The following PHLPP1 variants were observed in gnomAD, a reference collection of about 807,000 sequenced individuals.
PHLPP1 encodes PH domain and leucine rich repeat protein phosphatase 1, also known as PH domain leucine-rich repeat-containing protein phosphatase 1.
PHLPP1 carries 42 observed loss-of-function variants against 117.2 expected under a neutral mutation model. The observed-to-expected ratio is 0.36, with a 90% CI of 0.28 to 0.46. PHLPP1 has a LOEUF of 0.46. Ranked by LOEUF, PHLPP1 falls within the 20% of genes least tolerant of loss-of-function variation. The probability of loss-of-function intolerance (pLI) is 1.00; values close to 1 mark genes in which losing one functional copy is unlikely to be tolerated. For synonymous variants in PHLPP1, 1,042 were observed against 970.7 expected, an observed-to-expected ratio of 1.07 and a Z score of -1.37; for missense variants, 2,084 against 2,241.9, an observed-to-expected ratio of 0.93 and a Z score of 1.42.
intron 3 of PHLPP1, among the ~76,000 whole-genome samples, chr18:62,859,727 TTC>T (rs1382581069): frequency 6.6e-6 from 1 of 152,224 alleles, no homozygotes; most frequent in East Asian, 1.9e-4. Context: ...TAGCTCTGAA[TTC>T]TCTTTCTGTC....
rs750685049 is a variant in PHLPP1, at chr18:62,895,776, A to G, written c.2214-5A>G. The G allele has an allele frequency of 5.8e-6, 9 of 1,542,112 alleles. No homozygotes were observed. The highest frequency in any genetic ancestry group is 8.1e-6 in the Non-Finnish European group (9 of 1,114,844). On this transcript the variant is annotated splice_polypyrimidine_tract_variant and splice_region_variant and intron_variant, in intron 5 of 16. Transcript: ENST00000262719. ...TCTTTGTAATTCTTATGTTTTCTCT[A>G]ATAGCTTACAGACATTTTTGTTGGA...
chr18:62,900,809 G>C (rs1470088372), intron 6 of PHLPP1, among the ~76,000 whole-genome samples: 1 of 152,090 alleles, frequency 6.6e-6, no homozygotes, highest in African/African-American at 2.4e-5. Flanking sequence ...CACCACAAAA[G>C]TGAAATATCT....
At chr18:62,895,745 A>G (rs752097719) in intron 5 of PHLPP1, 36 bp from the exon 6 acceptor site, 1 of 1,229,708 alleles carries the variant, frequency 8.1e-7, no homozygotes, top group Non-Finnish European at 1.2e-6. Flanking sequence ...TAAAATTTAT[A>G]TGTTCTCTTT....
At chr18:62,721,237 A>G (rs919589356) in intron 1 of PHLPP1, among the ~76,000 whole-genome samples, 4 of 152,196 alleles carry the variant, frequency 2.6e-5, no homozygotes, top group Non-Finnish European at 4.4e-5. Context: ...CAGTATGGAA[A>G]GAGTACTGAA....
At chr18:62,942,494 T>G (rs1910158035) in intron 11 of PHLPP1, among the ~76,000 whole-genome samples, 1 of 152,228 alleles carries the variant, frequency 6.6e-6, no homozygotes, top group Admixed American at 6.5e-5. Flanking sequence ...TACAGAGCAG[T>G]GGTAGACTCT....
chr18:62,838,406 T>C (rs1914964898), intron 2 of PHLPP1: 2 of 160,588 alleles, frequency 1.2e-5, no homozygotes, highest in African/African-American at 2.4e-5. Flanking sequence ...TCAATACTTA[T>C]TTAATATGCT....
intron 1 of PHLPP1, among the ~76,000 whole-genome samples, chr18:62,800,335 T>C (rs1365160019): frequency 6.6e-6 from 1 of 152,228 alleles, no homozygotes; most frequent in East Asian, 1.9e-4. Context: ...ATTAACGCTT[T>C]AGAGTTTGTG....
In PHLPP1 at chr18:62,979,270, A is replaced by T. The variant is rs1468294455; in HGVS notation, c.4993A>T (p.Ile1665Phe). The T allele has an allele frequency of 3.8e-6, 6 of 1,571,142 alleles. No homozygotes were observed. The South Asian group carries it at 7.0e-5, about 18-fold the overall frequency. The change falls in exon 17 of 17, where the codon ATC (isoleucine) becomes TTC (phenylalanine). Residue 1665 changes from isoleucine (I) to phenylalanine (F), a missense_variant. By Grantham distance (21) the Ile-to-Phe change is conservative. This residue lies in a region of PHLPP1 where 1,365 missense variants were observed against 1,605.9 expected (regional missense o/e 0.85). Transcript: ENST00000262719. ...PAQPDPDDQF[I>F]IPPELEEEVK... is the part of the protein sequence containing the mutation. The stretch of plus-strand genomic sequence containing the variant: ...TCAGCCGGATCCTGATGATCAGTTT[A>T]TCATACCCCCGGAGCTGGAAGAGGA...
chr18:62,881,788 C>T (rs532982877), intron 4 of PHLPP1, among the ~76,000 whole-genome samples: 19 of 152,224 alleles, frequency 1.2e-4, no homozygotes, highest in African/African-American at 3.9e-4. Context: ...CATATAGGGA[C>T]GACAGGAAAA....
At chr18:62,878,139 T>C (rs756248360) in intron 4 of PHLPP1, among the ~76,000 whole-genome samples, 9 of 152,210 alleles carry the variant, frequency 5.9e-5, no homozygotes, top group Non-Finnish European at 1.0e-4. Context: ...ATGCCAACAC[T>C]GTATTTGTAG....
chr18:62,899,412 TC>T (rs1218059236), intron 6 of PHLPP1, among the ~76,000 whole-genome samples: 1 of 152,130 alleles, frequency 6.6e-6, no homozygotes. Context: ...CAGAGGCTGT[TC>T]CATTGCTTCC....
intron 1 of PHLPP1, among the ~76,000 whole-genome samples, chr18:62,747,894 T>G (rs982292505): frequency 2.6e-5 from 4 of 152,208 alleles, no homozygotes; most frequent in African/African-American, 7.2e-5. Flanking sequence ...AATTTGTAAA[T>G]TCAGATTTTA....
chr18:62,811,039 G>A (rs1277911032), intron 1 of PHLPP1, among the ~76,000 whole-genome samples: 1 of 152,174 alleles, frequency 6.6e-6, no homozygotes, highest in East Asian at 1.9e-4. Flanking sequence ...TAGAGAAAAA[G>A]GTGATGTGAA....
intron 1 of PHLPP1, among the ~76,000 whole-genome samples, chr18:62,810,715 T>TA (rs1454542660): frequency 2.0e-5 from 3 of 152,174 alleles, no homozygotes; most frequent in Admixed American, 6.6e-5. Flanking sequence ...AAATCATGGA[T>TA]AAGGGGGACT....
At chr18:62,933,099 G>A (rs1236684365) in intron 10 of PHLPP1, among the ~76,000 whole-genome samples, 1 of 152,140 alleles carries the variant, frequency 6.6e-6, no homozygotes, top group Non-Finnish European at 1.5e-5. Flanking sequence ...AGACACTGAT[G>A]AAAGAAATCA....
intron 1 of PHLPP1, among the ~76,000 whole-genome samples, chr18:62,763,975 C>T (rs1912358024): frequency 6.6e-6 from 1 of 151,878 alleles, no homozygotes; most frequent in African/African-American, 2.4e-5. Flanking sequence ...CTAGCCTGAC[C>T]AACATGGAGA....
At chr18:62,795,509 A>C (rs916417591) in intron 1 of PHLPP1, among the ~76,000 whole-genome samples, 1 of 151,590 alleles carries the variant, frequency 6.6e-6, no homozygotes, top group African/African-American at 2.4e-5. Flanking sequence ...AAAAAAAAAA[A>C]AAAACAACAA....
Position 62,978,514 on chromosome 18 carries a change from G to C in PHLPP1, c.4237G>C (p.Asp1413His), listed in dbSNP as rs199537368. ...CTLAQSYGCH[D>H]SISAVVVQLS... ...CCTGGCCCAGAGCTACGGCTGCCAC[G>C]ACAGCATCAGCGCTGTGGTGGTGCA... The change falls in exon 17 of 17, where the codon GAC (aspartate) becomes CAC (histidine). Residue 1413 changes from aspartate (D) to histidine (H), a missense_variant. Around this residue, in one of 2 missense-constraint regions of PHLPP1, gnomAD observed 1,365 missense variants for 1,605.9 expected, o/e 0.85. Coordinates refer to ENST00000262719, the MANE Select transcript of PHLPP1 (RefSeq NM_194449.4). The surrounding 1 kb of genome is among the most constrained non-coding windows in gnomAD (Gnocchi z 7.0). The C allele has an allele frequency of 6.2e-7, 1 of 1,609,458 alleles. No individual in the cohort carries two copies. Among genetic ancestry groups the C allele is most frequent in the Non-Finnish European group, 8.5e-7 (1 of 1,177,820 alleles).
intron 6 of PHLPP1, among the ~76,000 whole-genome samples, chr18:62,898,626 T>G (rs1310569888): frequency 1.3e-5 from 2 of 152,152 alleles, no homozygotes; most frequent in East Asian, 3.9e-4. Context: ...GCCTCCAACC[T>G]GTGGTGGCAA....
Sources: gnomAD v4.1 joint callset for allele counts (sites outside exome capture counted in the v4.1 genomes callset) on GRCh38, gnomAD v4.1.1 for gene constraint, gnomAD v4.1.1 regional missense constraint, Gnocchi (gnomAD v3.1) non-coding constraint, MANE v1.5 for transcripts, NCBI Gene and HGNC (gene_info 2026-07-23, HGNC 2026-07-21) for gene names.